TRPA1: variants seen among roughly 807,000 people sequenced by gnomAD.
The protein encoded by TRPA1 is transient receptor potential cation channel subfamily A member 1, also known as ankyrin-like with transmembrane domains 1.
Under a neutral mutation model 131.3 loss-of-function variants are expected in TRPA1, and 129 were observed. That is an observed-to-expected ratio of 0.98 (90% CI 0.85 to 1.14). The LOEUF (loss-of-function observed/expected upper bound fraction) is 1.14, where lower values mean the gene tolerates loss of function less well. TRPA1 is among the 50% of genes most tolerant of loss of function. The pLI, the probability that TRPA1 is intolerant of heterozygous loss-of-function variation, is 0.00. For synonymous variants in TRPA1, 441 were observed against 451.7 expected, an observed-to-expected ratio of 0.98 and a Z score of 0.30; for missense variants, 1,304 against 1,354.2, an observed-to-expected ratio of 0.96 and a Z score of 0.58.
In TRPA1 at chr8:72,037,886, A is replaced by C. The variant is rs956785899; in HGVS notation, c.2385+97T>G. ...TATGGTAGTCAAGCTATGTAATTTTATTATGACATAATATCTCAAGTAATA... is the reference window on the plus strand; with the variant it reads ...TATGGTAGTCAAGCTATGTAATTTTCTTATGACATAATATCTCAAGTAATA... On this transcript the variant is annotated intron_variant, in intron 20 of 26. Coordinates refer to ENST00000262209, the MANE Select transcript of TRPA1 (RefSeq NM_007332.3). The C allele has an allele frequency of 4.9e-5, 37 of 759,030 alleles. 1 individual carries two copies. In the Middle Eastern group the frequency reaches 3.6e-3, roughly 73 times the overall value. The allele number at this position is 759,030 out of a possible 1,614,324, so 47.0% of individuals were successfully genotyped here.
chr8:72,071,285 T>C (rs1022286441), intron 2 of TRPA1, among the ~76,000 whole-genome samples: 1 of 152,192 alleles, frequency 6.6e-6, no homozygotes, highest in African/African-American at 2.4e-5. Context: ...TTGTCTGCAG[T>C]TGAATTTCCT....
chr8:72,023,366 GA>G, intron 26 of TRPA1: 1 of 554,292 alleles, frequency 1.8e-6, no homozygotes, highest in South Asian at 2.0e-5. Flanking sequence ...CTATTATAGA[GA>G]AAGGTTAAGC....
intron 25 of TRPA1, among the ~76,000 whole-genome samples, chr8:72,024,627 A>T (rs1273093970): frequency 6.6e-6 from 1 of 152,046 alleles, no homozygotes; most frequent in Admixed American, 6.6e-5. Context: ...CCTGTAGGGG[A>T]TATGTCAGGA....
At chr8:72,039,177 T>C in intron 18 of TRPA1, 150 bp from the exon 19 acceptor site, 1 of 782,052 alleles carries the variant, frequency 1.3e-6, no homozygotes, top group Non-Finnish European at 2.1e-6. Flanking sequence ...CTAATTCACC[T>C]TTTTCATTTT....
At chr8:72,088,821 A>G in the TRPA1 span, among the ~76,000 whole-genome samples, 3 of 152,032 alleles carry the variant, frequency 2.0e-5, no homozygotes, top group Non-Finnish European at 2.9e-5. Flanking sequence ...TGCTCTTTCT[A>G]CTCCCCAGAA....
chr8:72,077,070 G>A (rs1409112868), upstream of TRPA1, among the ~76,000 whole-genome samples: 12 of 152,032 alleles, frequency 7.9e-5, no homozygotes, highest in Admixed American at 7.9e-4. Context: ...GTTTTAAAAT[G>A]GAAATGCCTC....
chr8:72,046,511 A>G lies in TRPA1; in HGVS notation c.2061+2T>C. On this transcript the variant is annotated splice_donor_variant, in intron 17 of 26. Coordinates refer to ENST00000262209, the MANE Select transcript of TRPA1 (RefSeq NM_007332.3). LOFTEE classifies it high-confidence loss of function. ...TTTAGATAATGAAAACATTGAACTT[A>G]CGTTGAGGGCTGTAAGCGGTTCATA... 1.3e-6 allele frequency: 2 copies of G among 1,543,750 alleles called. No homozygotes were observed. The highest frequency in any genetic ancestry group is 3.5e-4 in the Middle Eastern group (2 of 5,770).
intron 26 of TRPA1, 199 bp from the exon 27 acceptor site, chr8:72,023,315 C>T (rs765694294): frequency 6.2e-6 from 4 of 641,978 alleles, no homozygotes; most frequent in Non-Finnish European, 1.1e-5. Flanking sequence ...ACTGTTAGTT[C>T]ATGGCTAGTT....
At chr8:72,088,779 G>A in the TRPA1 span, among the ~76,000 whole-genome samples, 1 of 152,012 alleles carries the variant, frequency 6.6e-6, no homozygotes. Context: ...GAAACTTAAT[G>A]TACTTTGTTA....
At chr8:72,039,361 T>C (rs967414784) in intron 18 of TRPA1, among the ~76,000 whole-genome samples, 3 of 152,200 alleles carry the variant, frequency 2.0e-5, no homozygotes, top group South Asian at 4.1e-4. Context: ...TTCTATACAA[T>C]GATCCTTTCC....
the TRPA1 span, among the ~76,000 whole-genome samples, chr8:72,085,008 C>T: frequency 6.6e-6 from 1 of 152,078 alleles, no homozygotes; most frequent in Non-Finnish European, 1.5e-5. Flanking sequence ...AAAAAGCATG[C>T]TTTTAAAAGT....
intron 17 of TRPA1, among the ~76,000 whole-genome samples, 173 bp downstream of exon 17, chr8:72,046,340 C>T (rs1812431144): frequency 6.6e-6 from 1 of 151,610 alleles, no homozygotes; most frequent in Non-Finnish European, 1.5e-5. Flanking sequence ...TGTATCAAAA[C>T]ATTTTAGAAC....
At chr8:72,025,300 G>T (rs541264795) in intron 25 of TRPA1, among the ~76,000 whole-genome samples, 1 of 152,168 alleles carries the variant, frequency 6.6e-6, no homozygotes, top group South Asian at 2.1e-4. Flanking sequence ...ATGAGATCCG[G>T]TGGTTTTATA....
intron 4 of TRPA1, 143 bp from the exon 5 acceptor site, chr8:72,063,714 T>C (rs1042526677): frequency 4.7e-6 from 3 of 636,930 alleles, no homozygotes; most frequent in Non-Finnish European, 8.3e-6. Flanking sequence ...TGTTATGAAA[T>C]CTAGGCAAGA....
At chr8:72,038,215 T>G (rs1812122121) in intron 19 of TRPA1, 143 bp from the exon 20 acceptor site, 1 of 552,354 alleles carries the variant, frequency 1.8e-6, no homozygotes, top group African/African-American at 1.9e-5. Flanking sequence ...AACAGAAAAT[T>G]TAACTGACAC....
At chr8:72,070,093 A>G (rs1292940351) in intron 2 of TRPA1, among the ~76,000 whole-genome samples, 4 of 152,226 alleles carry the variant, frequency 2.6e-5, no homozygotes, top group Admixed American at 2.6e-4. Flanking sequence ...GCAAAGTCCT[A>G]TAGCTATTCT....
At chr8:72,064,602 T>C (rs898145720) in intron 4 of TRPA1, among the ~76,000 whole-genome samples, 1 of 152,182 alleles carries the variant, frequency 6.6e-6, no homozygotes, top group African/African-American at 2.4e-5. Flanking sequence ...TCTAAGTCCA[T>C]CTAGTAAAGG....
Position 72,065,459 on chromosome 8 carries a change from G to T in TRPA1, c.544C>A (p.Gln182Lys). The change falls in exon 4 of 27, where the codon CAG becomes AAG. Residue 182 changes from glutamine to lysine, a missense_variant. Gln to Lys is a moderately conservative substitution (Grantham distance 53, BLOSUM62 1). Coordinates refer to ENST00000262209, the MANE Select transcript of TRPA1 (RefSeq NM_007332.3). ...ATGACAAATATACAAACCAAAATCTGCAATGCTTCGCTATTATTTGTGGTG... is the reference window on the plus strand; with the variant it reads ...ATGACAAATATACAAACCAAAATCTTCAATGCTTCGCTATTATTTGTGGTG... ...ACTTNNSEAL[Q>K]ILLKKGAKPC... 2 of 1,612,662 alleles carry T rather than the reference G, an allele frequency of 1.2e-6. No homozygotes were observed. Among genetic ancestry groups the T allele is most frequent in the Non-Finnish European group, 1.7e-6 (2 of 1,179,054 alleles).
At chr8:72,036,486 A>G in intron 20 of TRPA1, 29 bp from the exon 21 acceptor site, 1 of 1,590,754 alleles carries the variant, frequency 6.3e-7, no homozygotes, top group Non-Finnish European at 8.6e-7. Context: ...AAAAATTACC[A>G]CATATAGAGA....
Sources: gnomAD v4.1 joint callset for allele counts (sites outside exome capture counted in the v4.1 genomes callset) on GRCh38, gnomAD v4.1.1 for gene constraint, MANE v1.5 for transcripts, NCBI Gene and HGNC (gene_info 2026-07-23, HGNC 2026-07-21) for gene names.